XKR6: variants seen among roughly 807,000 people sequenced by gnomAD.
XKR6 encodes the protein XK-related protein 6.
A neutral mutation model predicts 56.7 loss-of-function variants in XKR6; 22 were observed. That is an observed-to-expected ratio of 0.39 (90% CI 0.28 to 0.55). XKR6 has a LOEUF of 0.55. Ranked by LOEUF, XKR6 falls within the 20% of genes least tolerant of loss-of-function variation. XKR6 has a pLI of 0.66. For missense variants in XKR6, 852 were observed against 889.0 expected (o/e 0.96, Z 0.53); for synonymous variants, 524 against 387.8 (o/e 1.35, Z -4.13).
intron 1 of XKR6, among the ~76,000 whole-genome samples, chr8:10,967,855 G>C (rs1802274003): frequency 6.6e-6 from 1 of 152,192 alleles, no homozygotes; most frequent in Non-Finnish European, 1.5e-5. Flanking sequence ...GCCCACTGAA[G>C]TCAGAGAGCT....
At chr8:10,926,511 A>G (rs1356130336) in intron 1 of XKR6, among the ~76,000 whole-genome samples, 1 of 152,202 alleles carries the variant, frequency 6.6e-6, no homozygotes, top group Admixed American at 6.5e-5. Flanking sequence ...CCCTGTGGTG[A>G]GCAGAGATGC....
intron 2 of XKR6, among the ~76,000 whole-genome samples, chr8:10,906,839 C>T (rs1800201200): frequency 6.6e-6 from 1 of 152,254 alleles, no homozygotes; most frequent in Non-Finnish European, 1.5e-5. Context: ...TGAGACCATC[C>T]TATACTGGCC....
At chr8:10,928,502 G>C (rs938705986) in intron 1 of XKR6, among the ~76,000 whole-genome samples, 1 of 152,238 alleles carries the variant, frequency 6.6e-6, no homozygotes, top group Non-Finnish European at 1.5e-5. Context: ...TCAGTTTCCT[G>C]TGTGTAAAAT....
At chr8:11,130,469 C>T (rs1440894166) in intron 1 of XKR6, among the ~76,000 whole-genome samples, 1 of 152,124 alleles carries the variant, frequency 6.6e-6, no homozygotes, top group Non-Finnish European at 1.5e-5. Flanking sequence ...GTGTGTTACA[C>T]ACAGACAGTG....
At chr8:11,050,404 G>C (rs1005573368) in intron 1 of XKR6, among the ~76,000 whole-genome samples, 8 of 152,032 alleles carry the variant, frequency 5.3e-5, no homozygotes, top group Non-Finnish European at 1.0e-4. Context: ...CCTGGATGAT[G>C]GTCTCGGAGA....
intron 1 of XKR6, among the ~76,000 whole-genome samples, chr8:10,955,511 G>C (rs943164264): frequency 6.6e-6 from 1 of 152,170 alleles, no homozygotes; most frequent in African/African-American, 2.4e-5. Context: ...CATTTCTGCA[G>C]TGAGGACTCT....
intron 1 of XKR6, among the ~76,000 whole-genome samples, chr8:11,020,764 T>A (rs1285252374): frequency 1.3e-5 from 2 of 152,174 alleles, no homozygotes; most frequent in Admixed American, 1.3e-4. Flanking sequence ...AATTTTGAGA[T>A]CCTTACTGAA....
At chr8:10,950,684 T>A (rs1439335932) in intron 1 of XKR6, among the ~76,000 whole-genome samples, 1 of 152,148 alleles carries the variant, frequency 6.6e-6, no homozygotes, top group East Asian at 1.9e-4. Context: ...CGTTCATACC[T>A]CAACACATTC....
chr8:11,130,602 TCCC>T (rs1237849124), intron 1 of XKR6, among the ~76,000 whole-genome samples: 1 of 149,708 alleles, frequency 6.7e-6, no homozygotes, highest in Admixed American at 6.7e-5. Context: ...CGGCCTTTTC[TCCC>T]TCGCCGGTTT....
At chr8:11,130,658 A>G (rs1800060781) in intron 1 of XKR6, among the ~76,000 whole-genome samples, 1 of 151,896 alleles carries the variant, frequency 6.6e-6, no homozygotes, top group African/African-American at 2.4e-5. Context: ...GGATGATGTA[A>G]AAGGCCACTC....
intron 1 of XKR6, among the ~76,000 whole-genome samples, chr8:11,163,987 G>A (rs1194698207): frequency 6.6e-6 from 1 of 152,128 alleles, no homozygotes; most frequent in Non-Finnish European, 1.5e-5. Flanking sequence ...GCTAACTTCA[G>A]ACACATGCTT....
At chr8:10,913,173 G>C (rs917308839) in intron 2 of XKR6, among the ~76,000 whole-genome samples, 2 of 151,504 alleles carry the variant, frequency 1.3e-5, no homozygotes, top group Admixed American at 1.3e-4. Flanking sequence ...TGTGTATATA[G>C]TCTCTATATT....
At chr8:11,017,423 C>T (rs933128391) in intron 1 of XKR6, among the ~76,000 whole-genome samples, 9 of 152,378 alleles carry the variant, frequency 5.9e-5, no homozygotes, top group Admixed American at 3.9e-4. Flanking sequence ...CTAACCACAA[C>T]GGCAGCTTAG....
At chr8:10,957,660 A>T in intron 1 of XKR6, among the ~76,000 whole-genome samples, 1 of 152,210 alleles carries the variant, frequency 6.6e-6, no homozygotes, top group East Asian at 1.9e-4. Context: ...GCTGATGCCC[A>T]GTCTCACTCT....
At chr8:11,172,460 T>A (rs1028847016) in intron 1 of XKR6, among the ~76,000 whole-genome samples, 1 of 152,168 alleles carries the variant, frequency 6.6e-6, no homozygotes, top group East Asian at 1.9e-4. Flanking sequence ...TAACGTTATA[T>A]CAGTTTGGCC....
intron 1 of XKR6, among the ~76,000 whole-genome samples, chr8:11,078,362 C>A (rs1800328312): frequency 6.6e-6 from 1 of 152,200 alleles, no homozygotes; most frequent in African/African-American, 2.4e-5. Flanking sequence ...CAAGAACACA[C>A]AGCTTTCAAA....
chr8:11,201,265 G>C lies in XKR6; in HGVS notation c.75C>G (p.Gly25=). The change falls in exon 1 of 3, where the codon GGC becomes GGG. Residue 25 remains glycine (G), a synonymous_variant. Coordinates refer to ENST00000416569, the MANE Select transcript of XKR6 (RefSeq NM_173683.4). ...AQLHNLDEAV[G]SGGEEDGEPG... ...GCTCCCCGTCCTCCTCGCCGCCGCT[G>C]CCCACCGCCTCGTCCAGGTTGTGCA... 1 of 1,570,788 alleles carries C rather than the reference G, an allele frequency of 6.4e-7. No homozygotes were observed. Among genetic ancestry groups the C allele is most frequent in the East Asian group, 2.4e-5 (1 of 42,050 alleles).
At chr8:10,987,689 C>A (rs928090683) in intron 1 of XKR6, among the ~76,000 whole-genome samples, 2 of 152,232 alleles carry the variant, frequency 1.3e-5, no homozygotes, top group Admixed American at 6.5e-5. Context: ...CCTACCATGA[C>A]TTCCCACTTC....
At chr8:10,982,301 CAAGA>C (rs1797753806) in intron 1 of XKR6, among the ~76,000 whole-genome samples, 1 of 152,204 alleles carries the variant, frequency 6.6e-6, no homozygotes, top group Non-Finnish European at 1.5e-5. Context: ...TACGGTTTCT[CAAGA>C]AAGAAGGAAG....
Sources: gnomAD v4.1 joint callset for allele counts (sites outside exome capture counted in the v4.1 genomes callset) on GRCh38, gnomAD v4.1.1 for gene constraint, MANE v1.5 for transcripts, NCBI Gene and HGNC (gene_info 2026-07-23, HGNC 2026-07-21) for gene names.